Variants in LTBP2 observed in about 807,000 individuals in gnomAD.
LTBP2 encodes the protein latent-transforming growth factor beta-binding protein 2.
A neutral mutation model predicts 210.6 loss-of-function variants in LTBP2; 103 were observed. The observed-to-expected ratio is 0.49, with a 90% CI of 0.42 to 0.58. The LOEUF (loss-of-function observed/expected upper bound fraction) is 0.58, where lower values mean the gene tolerates loss of function less well. Among genes scored for constraint, LTBP2 ranks in the 20% least tolerant of loss-of-function variants. The probability of loss-of-function intolerance (pLI) is 0.00; values close to 1 mark genes in which losing one functional copy is unlikely to be tolerated. For synonymous variants in LTBP2, 1,007 were observed against 1,015.0 expected, an observed-to-expected ratio of 0.99 and a Z score of 0.15; for missense variants, 2,313 against 2,494.5, an observed-to-expected ratio of 0.93 and a Z score of 1.55.
chr14:74,540,830 A>T (rs7152861), intron 8 of LTBP2, among the ~76,000 whole-genome samples: 1,225 of 68,258 alleles, frequency 0.018, 71 homozygotes, highest in African/African-American at 0.032. Flanking sequence ...ATTTTTATAT[A>T]ATATATATTT....
intron 3 of LTBP2, among the ~76,000 whole-genome samples, chr14:74,584,094 T>C (rs926089654): frequency 1.3e-5 from 2 of 152,132 alleles, no homozygotes; most frequent in African/African-American, 2.4e-5. Context: ...CCAGGCACTA[T>C]GCAGGGGGGC....
intron 2 of LTBP2, among the ~76,000 whole-genome samples, chr14:74,589,275 C>T (rs1045172168): frequency 2.0e-5 from 3 of 152,178 alleles, no homozygotes; most frequent in South Asian, 2.1e-4. Flanking sequence ...ATGACAAGTG[C>T]TATGTCAGCT....
At chr14:74,510,964 G>A (rs954701379) in intron 19 of LTBP2, among the ~76,000 whole-genome samples, 7 of 152,144 alleles carry the variant, frequency 4.6e-5, no homozygotes, top group African/African-American at 1.4e-4. Context: ...TAGGCTCCTC[G>A]CTCCACCACA....
rs1278323946 is a variant in LTBP2, at chr14:74,503,314, G to A, written c.4793C>T (p.Pro1598Leu). The change falls in exon 33 of 36, where the codon CCC becomes CTC. Residue 1598 changes from proline to leucine, a missense_variant. Pro to Leu is a moderately conservative substitution (Grantham distance 98, BLOSUM62 -3). Coordinates refer to ENST00000261978, the MANE Select transcript of LTBP2 (RefSeq NM_000428.3). ...KKVTNDVCSE[P>L]LRGHRTTYTE... ...GTAGGTGGTGCGGTGCCCACGCAGG[G>A]GTTCGCTGCACACATCATTGGTGAC... The A allele has an allele frequency of 6.2e-7, 1 of 1,614,010 alleles. No individual in the cohort carries two copies. Among genetic ancestry groups the A allele is most frequent in the East Asian group, 2.2e-5 (1 of 44,882 alleles).
Position 74,508,905 on chromosome 14 carries a change from A to C in LTBP2, c.3451T>G (p.Cys1151Gly). Residue 1151 changes from cysteine (C) to glycine (G), a missense_variant, in exon 23 of 36, where the codon TGC becomes GGC. This residue lies in a region of LTBP2 where 1,867 missense variants were observed against 1,976.9 expected (regional missense o/e 0.94). Coordinates refer to ENST00000261978, the MANE Select transcript of LTBP2 (RefSeq NM_000428.3). ...DPQSSCLGGE[C>G]KNTVGSYQCL... ...TGGTAGGAGCCCACAGTGTTCTTGC[A>C]CTCGCCTCCCAGGCAGCTGCTCTGG... 1 of 1,613,524 alleles carries C rather than the reference A, an allele frequency of 6.2e-7. No homozygotes were observed. Among genetic ancestry groups the C allele is most frequent in the Non-Finnish European group, 8.5e-7 (1 of 1,179,912 alleles).
chr14:74,589,675 C>T (rs2088253743), intron 2 of LTBP2, among the ~76,000 whole-genome samples: 1 of 152,238 alleles, frequency 6.6e-6, no homozygotes, highest in African/African-American at 2.4e-5. Flanking sequence ...TGCCAGGCCC[C>T]TGTCACCACC....
intron 2 of LTBP2, among the ~76,000 whole-genome samples, chr14:74,602,271 T>C (rs562417289): frequency 6.6e-6 from 1 of 152,324 alleles, no homozygotes; most frequent in African/African-American, 2.4e-5. Context: ...GCCACGATGA[T>C]AAGCATACAC....
In LTBP2 at chr14:74,528,619, G is replaced by C. The variant is rs150924217; in HGVS notation, c.2232C>G (p.Ala744=). ...SSDIRLSMRK[A]EEEELARPPR... ...GGGGCCTTGCCAGTTCCTCCTCCTC[G>C]GCTTTCCTCATGGACAGGCGGATGT... Residue 744 remains alanine, a synonymous_variant, in exon 12 of 36, where the codon GCC becomes GCG. Transcript: ENST00000261978. 1 of 1,613,572 alleles carries C rather than the reference G, an allele frequency of 6.2e-7. No homozygotes were observed. Among genetic ancestry groups the C allele is most frequent in the African/African-American group, 1.3e-5 (1 of 75,066 alleles).
chr14:74,505,905 G>T, intron 28 of LTBP2, 143 bp downstream of exon 28: 1 of 1,163,192 alleles, frequency 8.6e-7, no homozygotes, highest in Non-Finnish European at 1.2e-6. Context: ...CCATGCACCA[G>T]GCCCCGCCTG....
At chr14:74,512,941 T>C (rs2087090028) in intron 18 of LTBP2, among the ~76,000 whole-genome samples, 1 of 150,134 alleles carries the variant, frequency 6.7e-6, no homozygotes, top group Non-Finnish European at 1.5e-5. Context: ...CCAAGGTACT[T>C]GAAGGAGGAT....
intron 1 of LTBP2, among the ~76,000 whole-genome samples, chr14:74,608,656 A>G (rs2088561043): frequency 6.6e-6 from 1 of 150,698 alleles, no homozygotes; most frequent in Admixed American, 6.6e-5. Context: ...GTTGTAGTGA[A>G]CCGAAATAAT....
chr14:74,554,047 G>C (rs1287560950), intron 4 of LTBP2, among the ~76,000 whole-genome samples: 1 of 151,532 alleles, frequency 6.6e-6, no homozygotes, highest in Non-Finnish European at 1.5e-5. Context: ...CAGAAGAGGG[G>C]GGACAAGTGA....
rs139510601 is a variant in LTBP2 at position 74,589,759 on chromosome 14, G to A, written c.566-3641C>T. ...GCTAGTGAACATGGAGGAAGCAGAT[G>A]TGCCCAGGGCAGGTCTCGGCCTTGG... On this transcript the variant is annotated intron_variant, in intron 2 of 35. Transcript: ENST00000261978. 1.1e-4 allele frequency among the ~76,000 whole-genome samples: 16 copies of A among 152,326 alleles called. 1 individual carries two copies. The East Asian group carries it at 3.1e-3, about 29-fold the overall frequency.
chr14:74,524,968 A>T (rs1445781057), intron 15 of LTBP2, among the ~76,000 whole-genome samples, 156 bp downstream of exon 15: 1 of 152,196 alleles, frequency 6.6e-6, no homozygotes, highest in Non-Finnish European at 1.5e-5. Context: ...AGATGAGGCC[A>T]GGGGTGCACA....
At chr14:74,508,219 G>C in intron 24 of LTBP2, 124 bp from the exon 25 acceptor site, 1 of 1,267,480 alleles carries the variant, frequency 7.9e-7, no homozygotes, top group East Asian at 2.5e-5. Context: ...TGTAGGAAAA[G>C]GCTCGAAGCC....
chr14:74,545,112 G>A (rs2087561360), intron 8 of LTBP2, among the ~76,000 whole-genome samples: 5 of 152,142 alleles, frequency 3.3e-5, no homozygotes. Context: ...TTCCAGTCTA[G>A]CATCCTGATC....
chr14:74,589,406 T>A (rs1422047122), intron 2 of LTBP2, among the ~76,000 whole-genome samples: 5 of 152,190 alleles, frequency 3.3e-5, no homozygotes, highest in Admixed American at 1.3e-4. Context: ...CCAAGGGCAC[T>A]CAAGACCAGT....
intron 2 of LTBP2, among the ~76,000 whole-genome samples, chr14:74,596,777 G>A (rs186068252): frequency 2.6e-5 from 4 of 152,220 alleles, no homozygotes; most frequent in East Asian, 1.9e-4. Context: ...TGGCTGGCTC[G>A]AGCAGTCAAG....
intron 30 of LTBP2, among the ~76,000 whole-genome samples, 185 bp downstream of exon 30, chr14:74,504,593 T>C (rs1272171894): frequency 1.3e-5 from 2 of 152,188 alleles, no homozygotes; most frequent in African/African-American, 4.8e-5. Context: ...ATGTGGACAC[T>C]CCAAGAGCAG....
Sources: gnomAD v4.1 joint callset for allele counts (sites outside exome capture counted in the v4.1 genomes callset) on GRCh38, gnomAD v4.1.1 for gene constraint, gnomAD v4.1.1 regional missense constraint, MANE v1.5 for transcripts, NCBI Gene and HGNC (gene_info 2026-07-23, HGNC 2026-07-21) for gene names.